Variants in MGAT4C observed in about 807,000 individuals in gnomAD.
MGAT4C encodes MGAT4 family member C, also known as alpha-1,3-mannosyl-glycoprotein 4-beta-N-acetylglucosaminyltransferase C.
In MGAT4C, 19 loss-of-function variants were observed where a neutral mutation model predicts 40.1. The ratio of observed to expected loss-of-function variants is 0.47; its 90% CI spans 0.33 to 0.70. MGAT4C has a LOEUF of 0.70. Ranked by LOEUF, MGAT4C falls within the 30% of genes least tolerant of loss-of-function variation. MGAT4C has a pLI of 0.02. For missense variants in MGAT4C, 491 were observed against 563.2 expected, an observed-to-expected ratio of 0.87 and a Z score of 1.30; for synonymous variants, 181 against 187.1, an observed-to-expected ratio of 0.97 and a Z score of 0.27.
chr12:86,761,698 C>A (rs1418176211), intron 1 of MGAT4C, among the ~76,000 whole-genome samples: 1 of 152,080 alleles, frequency 6.6e-6, no homozygotes, highest in South Asian at 2.1e-4. Flanking sequence ...CTTCTAGTGG[C>A]CACCTGTATT....
intron 2 of MGAT4C, among the ~76,000 whole-genome samples, chr12:86,554,456 T>C: frequency 6.6e-6 from 1 of 152,206 alleles, no homozygotes. Context: ...TTGCCCAGCT[T>C]TGCTGCTTTT....
chr12:86,814,666 C>T (rs529703777), intron 1 of MGAT4C, among the ~76,000 whole-genome samples: 14 of 151,954 alleles, frequency 9.2e-5, no homozygotes, highest in African/African-American at 3.4e-4. Context: ...GAAATCTAAT[C>T]ACAATGTGGT....
chr12:86,394,236 G>A (rs1382624728), intron 3 of MGAT4C, among the ~76,000 whole-genome samples: 3 of 151,972 alleles, frequency 2.0e-5, no homozygotes, highest in South Asian at 2.1e-4. Context: ...TGGGCTAAAC[G>A]CTGTCCATCA....
chr12:86,341,959 G>C (rs1354951432), intron 3 of MGAT4C, among the ~76,000 whole-genome samples: 1 of 152,150 alleles, frequency 6.6e-6, no homozygotes, highest in Non-Finnish European at 1.5e-5. Flanking sequence ...TGAGGTGACA[G>C]AGGGCTGAAG....
At chr12:86,174,577 A>C (rs2135843343) in intron 1 of MGAT4C, among the ~76,000 whole-genome samples, 1 of 152,240 alleles carries the variant, frequency 6.6e-6, no homozygotes, top group South Asian at 2.1e-4. Context: ...GCATTATTTA[A>C]GGTTCTACCA....
At chr12:86,707,237 T>C (rs1470546336) in intron 2 of MGAT4C, among the ~76,000 whole-genome samples, 1 of 152,122 alleles carries the variant, frequency 6.6e-6, no homozygotes, top group Non-Finnish European at 1.5e-5. Context: ...AGGCAGAGGT[T>C]GAAACAGTTT....
intron 1 of MGAT4C, among the ~76,000 whole-genome samples, chr12:86,106,584 C>T (rs1876219725): frequency 6.6e-6 from 1 of 152,112 alleles, no homozygotes; most frequent in South Asian, 2.1e-4. Flanking sequence ...GGATTATAGG[C>T]GTGAGCCATG....
intron 3 of MGAT4C, among the ~76,000 whole-genome samples, chr12:86,349,359 T>C (rs1955108994): frequency 6.6e-6 from 1 of 152,164 alleles, no homozygotes; most frequent in Non-Finnish European, 1.5e-5. Flanking sequence ...TGGCTCACTA[T>C]ACATCTGGCT....
chr12:86,203,093 T>C (rs1021193018), intron 1 of MGAT4C, among the ~76,000 whole-genome samples: 47 of 151,986 alleles, frequency 3.1e-4, no homozygotes, highest in Admixed American at 2.6e-3. Flanking sequence ...ATTCTGCACA[T>C]GGTCAATGTT....
intron 2 of MGAT4C, among the ~76,000 whole-genome samples, chr12:86,585,566 T>G (rs1048664383): frequency 1.3e-5 from 2 of 151,412 alleles, no homozygotes; most frequent in African/African-American, 4.8e-5. Flanking sequence ...ATTGACATAT[T>G]AATAATTTAA....
At chr12:86,473,901 A>G (rs1271906592) in intron 2 of MGAT4C, among the ~76,000 whole-genome samples, 1 of 152,128 alleles carries the variant, frequency 6.6e-6, no homozygotes, top group Non-Finnish European at 1.5e-5. Flanking sequence ...AATTTGCATG[A>G]TAGGGTTCAC....
At chr12:86,131,899 T>C (rs375181175) in intron 1 of MGAT4C, among the ~76,000 whole-genome samples, 1 of 152,150 alleles carries the variant, frequency 6.6e-6, no homozygotes, top group African/African-American at 2.4e-5. Flanking sequence ...AACTATTGTG[T>C]GGCCCATTTA....
At position 86,596,752 on chromosome 12, in the gene MGAT4C, T is replaced by C. The variant is rs563499188; in HGVS notation, c.-229+130457A>G. Among the ~76,000 whole-genome samples, 4 of 152,216 alleles carry C rather than the reference T, an allele frequency of 2.6e-5. No individual in the cohort carries two copies. The South Asian group carries it at 6.2e-4, about 24-fold the overall frequency. ...ATAGCCACACCACCTGGTAATAATA[T>C]GGAATGAAATAAGAGCTTGGCTATT... On this transcript the variant is annotated intron_variant, in intron 2 of 7. Coordinates refer to the MGAT4C transcript ENST00000548651.
chr12:86,821,768 G>C (rs1240145131), intron 1 of MGAT4C, among the ~76,000 whole-genome samples: 3 of 150,842 alleles, frequency 2.0e-5, no homozygotes, highest in Non-Finnish European at 4.5e-5. Context: ...GTTTAGTAGT[G>C]TCTAATCAAA....
chr12:86,634,259 C>T (rs574673275), intron 2 of MGAT4C, among the ~76,000 whole-genome samples: 15 of 152,020 alleles, frequency 9.9e-5, no homozygotes, highest in Non-Finnish European at 7.4e-5. Context: ...CCAGGTGTTA[C>T]CTGGATTCAG....
intron 2 of MGAT4C, among the ~76,000 whole-genome samples, chr12:86,647,607 A>G (rs888656238): frequency 3.3e-5 from 5 of 152,014 alleles, no homozygotes; most frequent in Admixed American, 2.6e-4. Context: ...ATTGACCTCA[A>G]ATACACTAAT....
At chr12:86,353,062 T>A in intron 3 of MGAT4C, among the ~76,000 whole-genome samples, 1 of 149,760 alleles carries the variant, frequency 6.7e-6, no homozygotes, top group African/African-American at 2.4e-5. Flanking sequence ...TAAAATAAAT[T>A]ATAAAAAAAA....
intron 1 of MGAT4C, among the ~76,000 whole-genome samples, chr12:86,106,220 T>C (rs1002852053): frequency 6.6e-6 from 1 of 152,142 alleles, no homozygotes; most frequent in Non-Finnish European, 1.5e-5. Flanking sequence ...CCATCTGATT[T>C]GGTGTTTGAT....
At chr12:86,227,792 T>C (rs1454068580) in intron 1 of MGAT4C, among the ~76,000 whole-genome samples, 1 of 151,900 alleles carries the variant, frequency 6.6e-6, no homozygotes, top group African/African-American at 2.4e-5. Flanking sequence ...CATCATTTTG[T>C]GTCTATGATG....
Sources: gnomAD v4.1 joint callset for allele counts (sites outside exome capture counted in the v4.1 genomes callset) on GRCh38, gnomAD v4.1.1 for gene constraint, MANE v1.5 for transcripts, NCBI Gene and HGNC (gene_info 2026-07-23, HGNC 2026-07-21) for gene names.